Variants in GRB10 observed in about 807,000 individuals in gnomAD.
The protein encoded by GRB10 is growth factor receptor bound protein 10.
Under a neutral mutation model 80.9 loss-of-function variants are expected in GRB10, and 20 were observed. That is an observed-to-expected ratio of 0.25 (90% CI 0.17 to 0.36). GRB10 has a LOEUF of 0.36. Among genes scored for constraint, GRB10 ranks in the 10% least tolerant of loss-of-function variants. The pLI is 1.00. For synonymous variants in GRB10, 291 were observed against 291.5 expected (o/e 1.00, Z 0.02); for missense variants, 548 against 747.7 (o/e 0.73, Z 3.12).
chr7:50,713,662 TCCACCACCACCTCCA>T (rs1194094009), intron 4 of GRB10, among the ~76,000 whole-genome samples: 1 of 107,900 alleles, frequency 9.3e-6, no homozygotes, highest in Non-Finnish European at 1.9e-5. Context: ...CTCCACCTCC[TCCACCACCACCTCCA>T]CCTCCTCCAT....
chr7:50,698,720 G>C (rs907850818), intron 5 of GRB10, among the ~76,000 whole-genome samples: 3 of 152,218 alleles, frequency 2.0e-5, no homozygotes, highest in Admixed American at 6.5e-5. Context: ...ATTGCTATCT[G>C]ATAGTGCAAA....
At chr7:50,653,169 G>A (rs1011410802) in intron 7 of GRB10, among the ~76,000 whole-genome samples, 3 of 152,264 alleles carry the variant, frequency 2.0e-5, no homozygotes, top group Non-Finnish European at 2.9e-5. Context: ...TCCTGGGCAC[G>A]GGCAGCAGGC....
rs904682202 is a variant in GRB10 at position 50,681,625 on chromosome 7, T to A, written c.140-6967A>T. Among the ~76,000 whole-genome samples the A allele has an allele frequency of 2.0e-5, 3 of 152,392 alleles. No individual in the cohort carries two copies. The East Asian group carries it at 5.8e-4, about 29-fold the overall frequency. ...TCTGTTGCCAGAATAATCTGGTTTA[T>A]GAGCCTCTTTCCTCTGTGTGCACAC... is the stretch of plus-strand genomic sequence containing the variant. On this transcript the variant is annotated intron_variant, in intron 5 of 18. Transcript: ENST00000401949.
chr7:50,616,567 A>C (rs760582047), intron 10 of GRB10, among the ~76,000 whole-genome samples: 1 of 152,232 alleles, frequency 6.6e-6, no homozygotes, highest in Non-Finnish European at 1.5e-5. Context: ...GACCTTTCCA[A>C]CACTGGTGAT....
intron 4 of GRB10, among the ~76,000 whole-genome samples, chr7:50,709,868 G>T (rs1166633130): frequency 6.6e-6 from 1 of 152,022 alleles, no homozygotes; most frequent in African/African-American, 2.4e-5. Flanking sequence ...CATGATGGGG[G>T]ACCCAGGTGT....
chr7:50,685,338 C>A (rs984327815), intron 5 of GRB10, among the ~76,000 whole-genome samples: 4 of 152,196 alleles, frequency 2.6e-5, no homozygotes, highest in Non-Finnish European at 5.9e-5. Flanking sequence ...GGACAGGAAA[C>A]TGTTTTTACT....
At chr7:50,653,470 G>A (rs1247110918) in intron 7 of GRB10, among the ~76,000 whole-genome samples, 1 of 152,230 alleles carries the variant, frequency 6.6e-6, no homozygotes, top group East Asian at 1.9e-4. Flanking sequence ...GACTCAGGAA[G>A]AGATTTCAGG....
intron 4 of GRB10, among the ~76,000 whole-genome samples, chr7:50,709,369 C>T (rs1465487467): frequency 1.3e-5 from 2 of 152,182 alleles, no homozygotes; most frequent in Admixed American, 6.5e-5. Flanking sequence ...TCCTCTGGCC[C>T]CCAGTGGTGG....
chr7:50,641,652 C>A (rs1055858445), intron 7 of GRB10, among the ~76,000 whole-genome samples: 6 of 152,328 alleles, frequency 3.9e-5, no homozygotes, highest in Non-Finnish European at 7.3e-5. Context: ...AGGGGTGGAA[C>A]CATGAGTTCC....
chr7:50,717,436 T>A (rs4947432), intron 4 of GRB10, among the ~76,000 whole-genome samples: 22 of 152,182 alleles, frequency 1.4e-4, no homozygotes, highest in Non-Finnish European at 2.9e-4. Flanking sequence ...CTCACTCACA[T>A]GAGAAGCTTG....
chr7:50,753,324 A>G (rs896375551), intron 3 of GRB10, among the ~76,000 whole-genome samples: 16 of 152,236 alleles, frequency 1.1e-4, no homozygotes, highest in Non-Finnish European at 2.2e-4. Context: ...TCTTAACAGG[A>G]TATCTTTCTA....
chr7:50,692,839 G>A (rs890829653), intron 5 of GRB10, among the ~76,000 whole-genome samples: 6 of 152,082 alleles, frequency 3.9e-5, no homozygotes, highest in Admixed American at 6.6e-5. Flanking sequence ...TGTGTGCAGG[G>A]TGGCTCCTCT....
chr7:50,674,249 T>A (rs1278541570), intron 6 of GRB10, among the ~76,000 whole-genome samples, 187 bp downstream of exon 6: 1 of 152,178 alleles, frequency 6.6e-6, no homozygotes, highest in Admixed American at 6.5e-5. Flanking sequence ...GGCTACAAAG[T>A]TCAACCCAAG....
intron 17 of GRB10, among the ~76,000 whole-genome samples, chr7:50,598,505 A>G (rs1185018885): frequency 6.6e-6 from 1 of 152,230 alleles, no homozygotes; most frequent in East Asian, 1.9e-4. Flanking sequence ...AGGACCCGAC[A>G]GTGATCAGAG....
chr7:50,651,170 T>C (rs1460627744), intron 7 of GRB10, among the ~76,000 whole-genome samples: 1 of 152,224 alleles, frequency 6.6e-6, no homozygotes, highest in Non-Finnish European at 1.5e-5. Flanking sequence ...AATATTTCAG[T>C]GTATGTGTAT....
chr7:50,683,729 T>G (rs1301715100), intron 5 of GRB10, among the ~76,000 whole-genome samples: 1 of 151,860 alleles, frequency 6.6e-6, no homozygotes, highest in Non-Finnish European at 1.5e-5. Context: ...AGAGCGAGAC[T>G]CCATCTCAAA....
chr7:50,665,370 TA>T (rs1399860123), intron 7 of GRB10, among the ~76,000 whole-genome samples: 8 of 152,252 alleles, frequency 5.3e-5, no homozygotes, highest in Admixed American at 3.9e-4. Context: ...AACAACAAAA[TA>T]AAACAGAAAG....
intron 1 of GRB10, among the ~76,000 whole-genome samples, chr7:50,788,814 C>T: frequency 6.6e-6 from 1 of 152,222 alleles, no homozygotes; most frequent in East Asian, 1.9e-4. Flanking sequence ...TCAGTCCCAG[C>T]TAGGATAAGT....
chr7:50,693,925 G>A (rs1219480144), intron 5 of GRB10, among the ~76,000 whole-genome samples: 4 of 151,820 alleles, frequency 2.6e-5, no homozygotes, highest in Admixed American at 6.6e-5. Context: ...GCAAAGAAGA[G>A]AAGCCAGCTG....
Sources: allele counts gnomAD v4.1 joint callset (sites outside exome capture counted in the v4.1 genomes callset), GRCh38; gene constraint gnomAD v4.1.1; transcripts MANE v1.5; gene names NCBI Gene and HGNC (gene_info 2026-07-23, HGNC 2026-07-21).